LRP2: variants seen among roughly 807,000 people sequenced by gnomAD.
The protein encoded by LRP2 is LDL receptor related protein 2, also known as low-density lipoprotein receptor-related protein 2.
A neutral mutation model predicts 531.0 loss-of-function variants in LRP2; 172 were observed. The ratio of observed to expected loss-of-function variants is 0.32; its 90% CI spans 0.29 to 0.37. The LOEUF is 0.37. Ranked by LOEUF, LRP2 falls within the 10% of genes least tolerant of loss-of-function variation. The pLI is 1.00. For synonymous variants in LRP2, 1,992 were observed against 2,027.6 expected, an observed-to-expected ratio of 0.98 and a Z score of 0.47; for missense variants, 5,167 against 5,868.3, an observed-to-expected ratio of 0.88 and a Z score of 3.90.
intron 1 of LRP2, among the ~76,000 whole-genome samples, chr2:169,321,847 A>G (rs1450866511): frequency 6.6e-6 from 1 of 152,220 alleles, no homozygotes; most frequent in Admixed American, 6.5e-5. Context: ...CTGGAAGGAC[A>G]ATATAACTTA....
chr2:169,173,016 T>C, intron 57 of LRP2, 80 bp downstream of exon 57: 1 of 1,536,634 alleles, frequency 6.5e-7, no homozygotes, highest in Non-Finnish European at 9.0e-7. Context: ...GGAAATACAC[T>C]CTCATCTCTC....
Position 169,177,922 on chromosome 2 carries a change from C to T in LRP2, c.10274G>A (p.Trp3425Ter). ...TCCCTTTTCCACTGTCCTTGTATTC[C>T]AATCTGTCCAATAAATAGTGTCTTC... ...IFEDTIYWTDWNTRTVEKGNK... is the reference protein window; with the variant it reads ...IFEDTIYWTD Residue 3425 changes from tryptophan (W) to a stop codon, truncating the protein, a stop_gained, in exon 53 of 79, where the codon TGG (tryptophan) becomes TAG (stop). Transcript: ENST00000649046. LOFTEE classifies it high-confidence loss of function. 1 of 1,614,164 alleles carries T rather than the reference C, an allele frequency of 6.2e-7. No individual in the cohort carries two copies.
rs1688609688 is a variant in LRP2, at chr2:169,211,970, T to G, written c.6278A>C (p.Gln2093Pro). ...HSETMVPVAG[Q>P]GRNALHVDVD... ...TACTTATATTGGAGTTGGCATACCT[T>G]GGCCTGCCACCGGCACCATGGTTTC... The change falls in exon 37 of 79, where the codon CAA (glutamine) becomes CCA (proline). Residue 2093 changes from glutamine to proline, a missense_variant and splice_region_variant. Around this residue, in one of 6 missense-constraint regions of LRP2, gnomAD observed 2,811 missense variants for 3,058.0 expected, o/e 0.92. Coordinates refer to ENST00000649046, the MANE Select transcript of LRP2 (RefSeq NM_004525.3). 1 of 1,613,818 alleles carries G rather than the reference T, an allele frequency of 6.2e-7. No homozygotes were observed. Among genetic ancestry groups the G allele is most frequent in the Admixed American group, 1.7e-5 (1 of 59,978 alleles).
At chr2:169,198,750 G>A (rs1190937075) in intron 45 of LRP2, 36 bp downstream of exon 45, 1 of 1,609,474 alleles carries the variant, frequency 6.2e-7, no homozygotes, top group East Asian at 2.2e-5. Context: ...ATGCATCTCT[G>A]GAACGATAGA....
At chr2:169,316,137 G>C in intron 3 of LRP2, among the ~76,000 whole-genome samples, 1 of 125,460 alleles carries the variant, frequency 8.0e-6, no homozygotes, top group Non-Finnish European at 1.7e-5. Flanking sequence ...GCAAGACCCT[G>C]TCTCAAAAAA....
chr2:169,350,278 A>T (rs1307517994), intron 1 of LRP2, among the ~76,000 whole-genome samples: 2 of 152,192 alleles, frequency 1.3e-5, no homozygotes, highest in South Asian at 2.1e-4. Flanking sequence ...AATTTCAGAC[A>T]TGTGAAGTCT....
In LRP2 at chr2:169,188,165, TGCA is replaced by T. The variant is rs1161143802; in HGVS notation, c.9130_9132del (p.Cys3044del). 1 of 1,614,082 alleles carries T rather than the reference TGCA, an allele frequency of 6.2e-7. No homozygotes were observed. Among genetic ancestry groups the T allele is most frequent in the Non-Finnish European group, 8.5e-7 (1 of 1,180,038 alleles). ...TCATCACAGACGAAGGTTTTACTAA[TGCA>T]GCGCCCGTTCTGACAGGTAAACTGA... is the stretch of plus-strand genomic sequence containing the variant. On this transcript the variant is annotated inframe_deletion, in exon 49 of 79. Transcript: ENST00000649046.
rs554955370 is a variant in LRP2, at chr2:169,285,954, C to A, written c.1043-2953G>T. ...TCCAACACCTGAAGCCTGTGTAATG[C>A]GTCAGCCATGCAGAGGGTTATAGCC... On this transcript the variant is annotated intron_variant, in intron 9 of 78. Coordinates refer to ENST00000649046, the MANE Select transcript of LRP2 (RefSeq NM_004525.3). Among the ~76,000 whole-genome samples the A allele has an allele frequency of 5.9e-5, 9 of 152,240 alleles. No individual in the cohort carries two copies. The South Asian group carries it at 1.0e-3, about 18-fold the overall frequency.
At chr2:169,190,841 CCTAGTCA>C (rs1266591967) in intron 48 of LRP2, among the ~76,000 whole-genome samples, 14 of 152,230 alleles carry the variant, frequency 9.2e-5, no homozygotes, top group Admixed American at 8.5e-4. Context: ...GTACTATTTT[CCTAGTCA>C]ATCAGGATTG....
rs1206796455 is a variant in LRP2 at position 169,127,324 on chromosome 2, G to A, written c.*1339C>T. The A allele has an allele frequency of 6.6e-6, 1 of 152,232 alleles. No individual in the cohort carries two copies. 9.4% of individuals were successfully genotyped at this position (152,232 alleles called of 1,614,324 possible). ...AACAAATGTGCAATATTAGCACAGA[G>A]AGTCAGGTATGCTATTTGCTATGGG... is the stretch of plus-strand genomic sequence containing the variant. On this transcript the variant is annotated 3_prime_UTR_variant, in exon 79 of 79. Coordinates refer to ENST00000649046, the MANE Select transcript of LRP2 (RefSeq NM_004525.3).
chr2:169,356,959 T>C (rs1686005088), intron 1 of LRP2, among the ~76,000 whole-genome samples: 1 of 152,210 alleles, frequency 6.6e-6, no homozygotes, highest in South Asian at 2.1e-4. Context: ...GTTTCTGTAG[T>C]ATTGATACTA....
chr2:169,286,325 C>T (rs1257358230), intron 9 of LRP2, among the ~76,000 whole-genome samples: 1 of 152,184 alleles, frequency 6.6e-6, no homozygotes, highest in Non-Finnish European at 1.5e-5. Flanking sequence ...GTCCCAGAAA[C>T]GCGCTGGCGG....
intron 1 of LRP2, among the ~76,000 whole-genome samples, chr2:169,330,483 A>G (rs896438594): frequency 6.6e-6 from 1 of 152,104 alleles, no homozygotes; most frequent in Non-Finnish European, 1.5e-5. Flanking sequence ...CAAGGCTCTT[A>G]CATCCCACTT....
intron 1 of LRP2, among the ~76,000 whole-genome samples, chr2:169,361,750 G>A (rs971208422): frequency 2.0e-5 from 3 of 152,168 alleles, no homozygotes; most frequent in African/African-American, 7.2e-5. Flanking sequence ...CACTCTCTCG[G>A]CCAATCCCAC....
At chr2:169,175,064 A>G in intron 55 of LRP2, 129 bp downstream of exon 55, 1 of 796,076 alleles carries the variant, frequency 1.3e-6, no homozygotes, top group Non-Finnish European at 2.1e-6. Flanking sequence ...AAAAGGATGG[A>G]GCCTGAGTTT....
At chr2:169,164,102 T>C (rs1686691370) in intron 62 of LRP2, among the ~76,000 whole-genome samples, 1 of 152,222 alleles carries the variant, frequency 6.6e-6, no homozygotes, top group South Asian at 2.1e-4. Flanking sequence ...TGTGCTAACA[T>C]GTGTCATCCC....
chr2:169,303,390 T>C (rs1196248152), intron 4 of LRP2, among the ~76,000 whole-genome samples: 1 of 152,172 alleles, frequency 6.6e-6, no homozygotes, highest in East Asian at 1.9e-4. Flanking sequence ...ACAATCTCTG[T>C]AAAACAGAGC....
chr2:169,317,410 G>C (rs902337354), intron 3 of LRP2, among the ~76,000 whole-genome samples: 1 of 152,198 alleles, frequency 6.6e-6, no homozygotes, highest in Non-Finnish European at 1.5e-5. Context: ...CTGCCTGAGA[G>C]AATGTCAGGC....
In LRP2 at chr2:169,239,636, A is replaced by G. The variant is rs750612957; in HGVS notation, c.4185T>C (p.Asp1395=). The change falls in exon 26 of 79, where the codon GAT becomes GAC. Residue 1395 remains aspartate (D), a synonymous_variant. Coordinates refer to ENST00000649046, the MANE Select transcript of LRP2 (RefSeq NM_004525.3). ...SKTCEDIDEC[D]ILGSCSQHCY... ...AGTGCTGGCTACAAGAGCCTAGAAT[A>G]TCACATTCATCTATGTCTTCACAGG... is the stretch of plus-strand genomic sequence containing the variant. The G allele has an allele frequency of 6.2e-7, 1 of 1,614,130 alleles. No homozygotes were observed. The highest frequency in any genetic ancestry group is 2.2e-5 in the East Asian group (1 of 44,884).
Sources: allele counts gnomAD v4.1 joint callset (sites outside exome capture counted in the v4.1 genomes callset), GRCh38; gene constraint gnomAD v4.1.1; regional missense constraint gnomAD v4.1.1; transcripts MANE v1.5; gene names NCBI Gene and HGNC (gene_info 2026-07-23, HGNC 2026-07-21).